ZFYVE28: variants seen among roughly 807,000 people sequenced by gnomAD.
ZFYVE28 encodes lateral signaling target protein 2 homolog.
In ZFYVE28, 40 loss-of-function variants were observed where a neutral mutation model predicts 82.1. That is an observed-to-expected ratio of 0.49 (90% CI 0.38 to 0.63). The LOEUF (loss-of-function observed/expected upper bound fraction) is 0.63. Among genes scored for constraint, ZFYVE28 ranks in the 30% least tolerant of loss-of-function variants. The pLI, the probability that ZFYVE28 is intolerant of heterozygous loss-of-function variation, is 0.00. For synonymous variants in ZFYVE28, 612 were observed against 546.1 expected (o/e 1.12, Z -1.68); for missense variants, 1,321 against 1,242.1 (o/e 1.06, Z -0.96).
chr4:2,283,382 T>TCCACCCATCCACTCATGCAC (rs1386595159), intron 8 of ZFYVE28, among the ~76,000 whole-genome samples: 1 of 114,670 alleles, frequency 8.7e-6, no homozygotes, highest in Non-Finnish European at 1.7e-5. Context: ...CAATCATCCA[T>TCCACCCATCCACTCATGCAC]CCACCCATCC....
chr4:2,390,693 G>A (rs996137981), intron 1 of ZFYVE28, among the ~76,000 whole-genome samples: 1 of 152,212 alleles, frequency 6.6e-6, no homozygotes, highest in Non-Finnish European at 1.5e-5. Flanking sequence ...TCTTCTGAAT[G>A]GGTTTCCCTT....
chr4:2,344,721 A>C (rs1277109137), intron 2 of ZFYVE28, among the ~76,000 whole-genome samples: 1 of 151,798 alleles, frequency 6.6e-6, no homozygotes, highest in Non-Finnish European at 1.5e-5. Context: ...ACATGGAGAA[A>C]CCCCGTCTCT....
chr4:2,379,057 C>T lies in ZFYVE28; in HGVS notation c.40-24984G>A, dbSNP rs185742295. ...GGGAAGGTGTCCAGAACTCCAGGGG[C>T]CTGGCTGTCTCATGACAGCAGGGGG... On this transcript the variant is annotated intron_variant, in intron 1 of 12. Coordinates refer to ENST00000290974, the MANE Select transcript of ZFYVE28 (RefSeq NM_020972.3). Among the ~76,000 whole-genome samples the T allele has an allele frequency of 2.0e-5, 3 of 152,232 alleles. No homozygotes were observed. In the East Asian group the frequency reaches 5.8e-4, roughly 29 times the overall value.
rs74730157 is a variant in ZFYVE28, at chr4:2,410,000, C to T, written c.39+8285G>A. Reference sequence around the variant, plus strand: ...TACGCAGAAAGCCAAACTCAGGAACCATGGCTCTGGGCCTATTTTCCTATT... The same window carrying T: ...TACGCAGAAAGCCAAACTCAGGAACTATGGCTCTGGGCCTATTTTCCTATT... On this transcript the variant is annotated intron_variant, in intron 1 of 12. Coordinates refer to ENST00000290974, the MANE Select transcript of ZFYVE28 (RefSeq NM_020972.3). This position sits in a 1 kb window ranked among gnomAD's most constrained non-coding sequence, Gnocchi z 4.4. Among the ~76,000 whole-genome samples the T allele has an allele frequency of 0.02, 3,058 of 152,364 alleles. 81 individuals are homozygous for T. The highest frequency in any genetic ancestry group is 0.064 in the African/African-American group (2,657 of 41,584).
chr4:2,360,446 G>C (rs1342844974), intron 1 of ZFYVE28, among the ~76,000 whole-genome samples: 1 of 145,610 alleles, frequency 6.9e-6, no homozygotes, highest in East Asian at 2.0e-4. Context: ...CGCACACACA[G>C]AAACCCCGTG....
rs191308818 is a variant in ZFYVE28 at position 2,341,807 on chromosome 4, G to C, written c.181-192C>G. Among the ~76,000 whole-genome samples, 1 of 152,296 alleles carries C rather than the reference G, an allele frequency of 6.6e-6. No homozygotes were observed. The highest frequency in any genetic ancestry group is 1.5e-5 in the Non-Finnish European group (1 of 68,010). ...GGCCGAGGCGGGTGGTTTACCTGAG[G>C]TTAGGAGTTTGAGACCAGCCTGGCC... On this transcript the variant is annotated intron_variant, in intron 2 of 12. Coordinates refer to ENST00000290974, the MANE Select transcript of ZFYVE28 (RefSeq NM_020972.3). The surrounding 1 kb of genome is among the most constrained non-coding windows in gnomAD (Gnocchi z 4.5).
rs1715307488 is a variant in ZFYVE28 at position 2,300,247 on chromosome 4, G to GCC, written c.2051+4041_2051+4042insGG. Among the ~76,000 whole-genome samples the GCC allele has an allele frequency of 6.6e-6, 1 of 152,216 alleles. No individual in the cohort carries two copies. The highest frequency in any genetic ancestry group is 1.5e-5 in the Non-Finnish European group (1 of 68,042). On this transcript the variant is annotated intron_variant, in intron 8 of 12. Coordinates refer to ENST00000290974, the MANE Select transcript of ZFYVE28 (RefSeq NM_020972.3). The surrounding 1 kb of genome is among the most constrained non-coding windows in gnomAD (Gnocchi z 4.6). Reference sequence around the variant, plus strand: ...GAAGGAACAGACAACCAGCCTGAGTGGACTTTCTGTCATCTAGACAAGTAA... The same window carrying GCC: ...GAAGGAACAGACAACCAGCCTGAGTGCCGACTTTCTGTCATCTAGACAAGTAA...
At chr4:2,360,304 G>C (rs536530865) in intron 1 of ZFYVE28, among the ~76,000 whole-genome samples, 2 of 151,660 alleles carry the variant, frequency 1.3e-5, no homozygotes, top group African/African-American at 4.8e-5. Flanking sequence ...CAAATACCCT[G>C]CCGCTGTACC....
intron 1 of ZFYVE28, among the ~76,000 whole-genome samples, chr4:2,385,482 G>C (rs886171783): frequency 1.3e-5 from 2 of 152,210 alleles, no homozygotes; most frequent in Non-Finnish European, 2.9e-5. Context: ...TTGAGACTAG[G>C]TCTCTGGACT....
intron 2 of ZFYVE28, chr4:2,343,538 A>G (rs944359522): frequency 6.6e-6 from 1 of 152,260 alleles, no homozygotes; most frequent in Admixed American, 6.5e-5. Context: ...ACTTCTTTTT[A>G]AAAGGTTTTC....
At chr4:2,294,086 T>C (rs1303409633) in intron 8 of ZFYVE28, among the ~76,000 whole-genome samples, 2 of 152,042 alleles carry the variant, frequency 1.3e-5, no homozygotes, top group African/African-American at 2.4e-5. Flanking sequence ...TTTTTTTTTT[T>C]TTTGGTAAAA....
At chr4:2,298,547 G>T (rs1715008683) in intron 8 of ZFYVE28, among the ~76,000 whole-genome samples, 1 of 152,208 alleles carries the variant, frequency 6.6e-6, no homozygotes, top group Admixed American at 6.5e-5. Flanking sequence ...CGGGGCATGT[G>T]CCACAGGGTT....
chr4:2,335,027 C>T lies in ZFYVE28; in HGVS notation c.701+678G>A, dbSNP rs1199296195. 9.9e-5 allele frequency among the ~76,000 whole-genome samples: 15 copies of T among 151,012 alleles called. 1 individual carries two copies. The East Asian group carries it at 2.7e-3, about 28-fold the overall frequency. ...ACCTTGGCCCCAGACAGCTCAGAGA[C>T]GCTAAGCAGGTGACCCCGCGCATCC... On this transcript the variant is annotated intron_variant, in intron 6 of 12. Transcript: ENST00000290974. This position sits in a 1 kb window ranked among gnomAD's most constrained non-coding sequence, Gnocchi z 5.8.
intron 6 of ZFYVE28, chr4:2,329,017 G>T: frequency 1.5e-6 from 1 of 670,064 alleles, no homozygotes. Flanking sequence ...ATAAGGTTTT[G>T]ACTTGTAGTA....
chr4:2,405,455 C>T (rs1731774572), intron 1 of ZFYVE28, among the ~76,000 whole-genome samples: 1 of 152,266 alleles, frequency 6.6e-6, no homozygotes. Context: ...TGATGGTCGA[C>T]TGATGGGTGC....
Position 2,334,073 on chromosome 4 carries a change from C to G in ZFYVE28, c.701+1632G>C, listed in dbSNP as rs551174300. 2.6e-3 allele frequency among the ~76,000 whole-genome samples: 397 copies of G among 152,300 alleles called. 2 individuals are homozygous for G. Among genetic ancestry groups the G allele is most frequent in the African/African-American group, 7.9e-3 (329 of 41,552 alleles). ...TCAGGTGAAAGGAAGTTCCCTGAGT[C>G]TAACGGCAGGAGGATTTCCGAGCCT... On this transcript the variant is annotated intron_variant, in intron 6 of 12. Coordinates refer to ENST00000290974, the MANE Select transcript of ZFYVE28 (RefSeq NM_020972.3).
intron 1 of ZFYVE28, among the ~76,000 whole-genome samples, chr4:2,365,411 G>C (rs945457499): frequency 6.6e-6 from 1 of 152,104 alleles, no homozygotes; most frequent in Admixed American, 6.5e-5. Flanking sequence ...CTCAGTGCAC[G>C]CAGGGTAATA....
intron 7 of ZFYVE28, among the ~76,000 whole-genome samples, chr4:2,306,409 T>C (rs971615903): frequency 6.6e-6 from 1 of 152,206 alleles, no homozygotes; most frequent in African/African-American, 2.4e-5. Context: ...GATTTAGAAG[T>C]GAAACCCCAA....
intron 7 of ZFYVE28, among the ~76,000 whole-genome samples, chr4:2,315,891 G>A (rs1264860294): frequency 6.6e-6 from 1 of 151,928 alleles, no homozygotes; most frequent in African/African-American, 2.4e-5. Flanking sequence ...CTCTCTTTCT[G>A]GGATTCCAAT....
Sources: allele counts gnomAD v4.1 joint callset (sites outside exome capture counted in the v4.1 genomes callset), GRCh38; gene constraint gnomAD v4.1.1; non-coding constraint Gnocchi (gnomAD v3.1); transcripts MANE v1.5; gene names NCBI Gene and HGNC (gene_info 2026-07-23, HGNC 2026-07-21).